The following CROCC2 variants were observed in gnomAD, a reference collection of about 807,000 sequenced individuals.
CROCC2 encodes ciliary rootlet coiled-coil protein 2.
CROCC2 carries 163 observed loss-of-function variants against 177.6 expected under a neutral mutation model. That is an observed-to-expected ratio of 0.92 (90% confidence interval 0.81 to 1.05). CROCC2 has a LOEUF of 1.05. Among genes scored for constraint, CROCC2 ranks in the 50% least tolerant of loss-of-function variants. The probability of loss-of-function intolerance (pLI) is 0.00; values close to 1 mark genes in which losing one functional copy is unlikely to be tolerated. For synonymous variants in CROCC2, 904 were observed against 787.3 expected (o/e 1.15, Z -2.48); for missense variants, 1,929 against 1,797.8 (o/e 1.07, Z -1.32).
chr2:240,965,627 C>T lies in CROCC2; in HGVS notation c.3604-9C>T, dbSNP rs1275515411. 1 of 1,550,520 alleles carries T rather than the reference C, an allele frequency of 6.4e-7. No homozygotes were observed. Among genetic ancestry groups the T allele is most frequent in the East Asian group, 2.4e-5 (1 of 40,928 alleles). On this transcript the variant is annotated splice_polypyrimidine_tract_variant and intron_variant, in intron 23 of 31. Coordinates refer to ENST00000690015, the MANE Select transcript of CROCC2 (RefSeq NM_001351305.2). ...CTCCCACGGGCGCACCCCAACATCCCTCCTACAGGTCCTGGGATTGCAGAG... is the reference window on the plus strand; with the variant it reads ...CTCCCACGGGCGCACCCCAACATCCTTCCTACAGGTCCTGGGATTGCAGAG...
At position 240,965,714 on chromosome 2, in the gene CROCC2, C is replaced by G; in HGVS notation, c.3682C>G (p.Arg1228Gly). 2 of 1,547,768 alleles carry G rather than the reference C, an allele frequency of 1.3e-6. No homozygotes were observed. The highest frequency in any genetic ancestry group is 1.7e-6 in the Non-Finnish European group (2 of 1,145,710). Residue 1228 changes from arginine (R) to glycine (G), a missense_variant, in exon 24 of 32, where the codon CGT becomes GGT. Physicochemically the swap from Arg to Gly is moderately radical, Grantham distance 125. Around this residue, in one of 3 missense-constraint regions of CROCC2, gnomAD observed 144 missense variants for 205.2 expected, o/e 0.70. Coordinates refer to ENST00000690015, the MANE Select transcript of CROCC2 (RefSeq NM_001351305.2). ...AHGQRLQEHL[R>G]ESRGAEQTLR... ...TGGACAGCGGCTCCAGGAGCACCTC[C>G]GTGAGAGCCGGGGGGCTGAGCAGAC...
rs1237256588 is a variant in CROCC2 at position 240,965,792 on chromosome 2, G to T, written c.3760G>T (p.Val1254Leu). 1 of 1,485,696 alleles carries T rather than the reference G, an allele frequency of 6.7e-7. No homozygotes were observed. 92.0% of individuals were successfully genotyped at this position (1,485,696 alleles called of 1,614,324 possible). ...CAGGAAGCTGCAGGAAGCCAGTGGT[G>T]TGGCTGATGCTCTCCAGGCTCGCCT... Reference protein sequence around the residue: ...VTRKLQEASGVADALQARLDQ... With the variant: ...VTRKLQEASGLADALQARLDQ... The change falls in exon 24 of 32, where the codon GTG becomes TTG. Residue 1254 changes from valine (V) to leucine (L), a missense_variant. Val to Leu is a conservative substitution (Grantham distance 32). Around this residue, in one of 3 missense-constraint regions of CROCC2, gnomAD observed 144 missense variants for 205.2 expected, o/e 0.70. Transcript: ENST00000690015.
Position 240,933,856 on chromosome 2 carries a change from C to T in CROCC2, c.1646+4C>T, listed in dbSNP as rs1042839743. ...GCTGCAGGGCACTGGAGACCAGGTG[C>T]GCGGCCGTGGCTGGGTGGGCAGGGC... On this transcript the variant is annotated splice_donor_region_variant and intron_variant, in intron 11 of 31. Transcript: ENST00000690015. 26 of 1,541,518 alleles carry T rather than the reference C, an allele frequency of 1.7e-5. No homozygotes were observed. Among genetic ancestry groups the T allele is most frequent in the Middle Eastern group, 2.3e-4 (1 of 4,370 alleles).
chr2:240,950,965 C>CCTCATCCATCCATCCACCCATTTACCTG (rs1437906290), intron 18 of CROCC2: 2 of 156,664 alleles, frequency 1.3e-5, no homozygotes, highest in Admixed American at 1.3e-4. Context: ...CCATTCACCT[C>CCTCATCCATCCATCCACCCATTTACCTG]CTCATCCATC....
chr2:240,950,224 C>A, intron 17 of CROCC2, 110 bp from the exon 18 acceptor site: 1 of 1,141,656 alleles, frequency 8.8e-7, no homozygotes, highest in Non-Finnish European at 1.2e-6. Context: ...TGGACAGCCC[C>A]TGGGGTCCAT....
intron 3 of CROCC2, among the ~76,000 whole-genome samples, chr2:240,922,337 C>A (rs992119744): frequency 2.0e-5 from 3 of 152,150 alleles, no homozygotes; most frequent in Non-Finnish European, 4.4e-5. Flanking sequence ...GCCGTGGGCA[C>A]TTGGCACAGG....
At chr2:240,967,123 G>C (rs1044847901) in intron 25 of CROCC2, among the ~76,000 whole-genome samples, 8 of 152,100 alleles carry the variant, frequency 5.3e-5, no homozygotes, top group African/African-American at 1.9e-4. Context: ...GTCTCACTGG[G>C]CGCCTCCACC....
chr2:240,911,432 G>A (rs956813622), intron 1 of CROCC2, among the ~76,000 whole-genome samples: 3 of 151,600 alleles, frequency 2.0e-5, no homozygotes, highest in Non-Finnish European at 2.9e-5. Context: ...CCAGTAACTG[G>A]GACTACAGGC....
At chr2:240,932,517 A>G (rs2059439544) in intron 8 of CROCC2, 103 bp downstream of exon 8, 1 of 703,110 alleles carries the variant, frequency 1.4e-6, no homozygotes, top group Non-Finnish European at 2.7e-6. Context: ...GACGGCCTGC[A>G]GGGCAAGGTG....
At position 240,972,022 on chromosome 2, in the gene CROCC2, G is replaced by A. The variant is rs887571821; in HGVS notation, c.4401+3760G>A. Reference sequence around the variant, plus strand: ...AGAACACTAGTTACCATCTTCTGGTGTGTGTCAGTAGCTCACTTCTCTGTT... The same window carrying A: ...AGAACACTAGTTACCATCTTCTGGTATGTGTCAGTAGCTCACTTCTCTGTT... On this transcript the variant is annotated intron_variant, in intron 27 of 31. Transcript: ENST00000690015. This position sits in a 1 kb window ranked among gnomAD's most constrained non-coding sequence, Gnocchi z 7.1. Among the ~76,000 whole-genome samples the A allele has an allele frequency of 3.9e-5, 6 of 152,164 alleles. No individual in the cohort carries two copies. Among genetic ancestry groups the A allele is most frequent in the African/African-American group, 1.4e-4 (6 of 41,440 alleles).
In CROCC2 at chr2:240,919,975, C is replaced by A; in HGVS notation, c.230-8C>A. On this transcript the variant is annotated splice_polypyrimidine_tract_variant and splice_region_variant and intron_variant, in intron 2 of 31. Coordinates refer to ENST00000690015, the MANE Select transcript of CROCC2 (RefSeq NM_001351305.2). The stretch of plus-strand genomic sequence containing the variant: ...CTGGCCACCCAGGCTGACCCAGGTA[C>A]CGTGCAGCAGGGGTACAGGAGCCGA... The A allele has an allele frequency of 1.4e-6, 1 of 714,538 alleles. No individual in the cohort carries two copies. The highest frequency in any genetic ancestry group is 2.6e-6 in the Non-Finnish European group (1 of 383,660). 44.3% of individuals were successfully genotyped at this position (714,538 alleles called of 1,614,324 possible). A position where few individuals can be genotyped will look rare whatever the true frequency, so the allele number is the denominator to read the frequency against.
intron 27 of CROCC2, among the ~76,000 whole-genome samples, chr2:240,981,189 AGTCTCTGGGGT>A (rs2059796417): frequency 2.0e-5 from 3 of 148,384 alleles, no homozygotes; most frequent in East Asian, 4.2e-4. Flanking sequence ...ATCCCTGCTC[AGTCTCTGGGGT>A]AGGAGCCTCA....
At chr2:240,933,885 T>C (rs894435873) in intron 11 of CROCC2, 33 bp downstream of exon 11, 1 of 1,530,844 alleles carries the variant, frequency 6.5e-7, no homozygotes, top group Admixed American at 2.0e-5. Flanking sequence ...GCAGGGCCCC[T>C]CCCACAGAAG....
intron 26 of CROCC2, 158 bp downstream of exon 26, chr2:240,967,623 TG>T: frequency 1.0e-6 from 1 of 975,442 alleles, no homozygotes; most frequent in Non-Finnish European, 1.2e-6. Flanking sequence ...CTGGCGAGGC[TG>T]GGTCAGCGCT....
rs2059391888 is a variant in CROCC2, at chr2:240,925,784, G to A, written c.549G>A (p.Lys183=). 2.8e-6 allele frequency: 2 copies of A among 717,084 alleles called. No homozygotes were observed. The highest frequency in any genetic ancestry group is 2.0e-5 in the Admixed American group (1 of 50,016). The allele number at this position is 717,084 out of a possible 1,614,324, so 44.4% of individuals were successfully genotyped here. The change falls in exon 5 of 32, where the codon AAG becomes AAA. Residue 183 remains lysine (K), a synonymous_variant. Coordinates refer to ENST00000690015, the MANE Select transcript of CROCC2 (RefSeq NM_001351305.2). ...GGGAGCAGCTGGAACATATGAAGAA[G>A]GCCAATGACGCGCTGGGCCGGGAGC... The part of the protein sequence containing the change: ...LLREQLEHMK[K]ANDALGRELA...
At chr2:240,992,036 A>T (rs577059237) in intron 31 of CROCC2, among the ~76,000 whole-genome samples, 1 of 152,304 alleles carries the variant, frequency 6.6e-6, no homozygotes, top group East Asian at 1.9e-4. Flanking sequence ...GCTGTTACAG[A>T]GCCTCCCATG....
At chr2:240,976,036 T>G (rs914542653) in intron 27 of CROCC2, among the ~76,000 whole-genome samples, 2 of 152,226 alleles carry the variant, frequency 1.3e-5, no homozygotes, top group African/African-American at 4.8e-5. Flanking sequence ...CAGCCCAGCC[T>G]TCTTTTGGTC....
At position 240,993,081 on chromosome 2, in the gene CROCC2, A is replaced by C. The variant is rs929464658; in HGVS notation, c.4962A>C (p.Ter1654CysextTer32). 2.8e-6 allele frequency: 2 copies of C among 716,968 alleles called. No homozygotes were observed. Among genetic ancestry groups the C allele is most frequent in the African/African-American group, 3.5e-5 (2 of 57,258 alleles). The allele number at this position is 716,968 out of a possible 1,614,324, so 44.4% of individuals were successfully genotyped here. The change falls in exon 32 of 32, where the codon TGA becomes TGC. Residue 1654 changes from the stop codon to cysteine (C), a stop_lost. Coordinates refer to ENST00000690015, the MANE Select transcript of CROCC2 (RefSeq NM_001351305.2). Reference sequence around the variant, plus strand: ...ATCCCTGCAGCGCCCAAAGGGACTGAAGCTCCCAGCACAGGGGAGGCGCCC... The same window carrying C: ...ATCCCTGCAGCGCCCAAAGGGACTGCAGCTCCCAGCACAGGGGAGGCGCCC... ...AFQTGHAQRD[*>C]
At chr2:240,989,001 G>A in intron 29 of CROCC2, 131 bp downstream of exon 29, 1 of 994,728 alleles carries the variant, frequency 1.0e-6, no homozygotes, top group East Asian at 3.2e-5. Context: ...TGGGGAGGGT[G>A]GCTGGACCAG....
Sources: gnomAD v4.1 joint callset for allele counts (sites outside exome capture counted in the v4.1 genomes callset) on GRCh38, gnomAD v4.1.1 for gene constraint, gnomAD v4.1.1 regional missense constraint, Gnocchi (gnomAD v3.1) non-coding constraint, MANE v1.5 for transcripts, NCBI Gene and HGNC (gene_info 2026-07-23, HGNC 2026-07-21) for gene names.